Variants in ERC2 observed in about 807,000 individuals in gnomAD.
ERC2 encodes the protein ERC protein 2.
Under a neutral mutation model 114.8 loss-of-function variants are expected in ERC2, and 42 were observed. The ratio of observed to expected loss-of-function variants is 0.37; its 90% CI spans 0.29 to 0.47. ERC2 has a LOEUF of 0.47. Among genes scored for constraint, ERC2 ranks in the 20% least tolerant of loss-of-function variants. ERC2 has a pLI of 0.99. For missense variants in ERC2, 939 were observed against 1,150.7 expected (o/e 0.82, Z 2.66); for synonymous variants, 454 against 425.5 (o/e 1.07, Z -0.82).
intron 17 of ERC2, among the ~76,000 whole-genome samples, chr3:55,545,920 C>T (rs971479185): frequency 6.6e-6 from 1 of 152,154 alleles, no homozygotes; most frequent in Non-Finnish European, 1.5e-5. Flanking sequence ...TCTTGGGTCC[C>T]GTTACCCTGT....
At chr3:56,402,658 C>T (rs752093326) in intron 2 of ERC2, among the ~76,000 whole-genome samples, 2 of 152,128 alleles carry the variant, frequency 1.3e-5, no homozygotes, top group Admixed American at 6.5e-5. Context: ...GCTGAAACTT[C>T]GGCAATATGA....
At chr3:55,782,295 C>T (rs908068924) in intron 14 of ERC2, among the ~76,000 whole-genome samples, 54 of 152,140 alleles carry the variant, frequency 3.5e-4, no homozygotes, top group African/African-American at 1.3e-3. Flanking sequence ...TTGCTAAGTC[C>T]CATTAGCTTT....
At chr3:56,428,202 G>C (rs1319933007) in intron 2 of ERC2, among the ~76,000 whole-genome samples, 2 of 152,062 alleles carry the variant, frequency 1.3e-5, no homozygotes, top group South Asian at 4.1e-4. Context: ...TATTTTAATA[G>C]AACATAGTTG....
chr3:56,279,543 G>A (rs1038686923), intron 3 of ERC2, among the ~76,000 whole-genome samples: 28 of 151,284 alleles, frequency 1.9e-4, no homozygotes, highest in African/African-American at 6.3e-4. Context: ...GAAGCTGGCT[G>A]TTCAGCAAAG....
At chr3:56,146,459 A>G (rs2081140308) in intron 5 of ERC2, among the ~76,000 whole-genome samples, 1 of 152,210 alleles carries the variant, frequency 6.6e-6, no homozygotes, top group Non-Finnish European at 1.5e-5. Context: ...TTAACAATAA[A>G]AGAGGTGTCT....
intron 3 of ERC2, among the ~76,000 whole-genome samples, chr3:56,205,022 A>G (rs944249547): frequency 6.6e-6 from 1 of 151,996 alleles, no homozygotes; most frequent in Admixed American, 6.6e-5. Flanking sequence ...TCTCTTCAAA[A>G]GTACTTTCAC....
intron 9 of ERC2, among the ~76,000 whole-genome samples, chr3:56,008,857 C>T (rs1215983179): frequency 1.3e-5 from 2 of 152,174 alleles, no homozygotes; most frequent in South Asian, 2.1e-4. Context: ...TGTCTAAGAC[C>T]TTCCAGTCGG....
At chr3:56,385,911 A>G (rs1458457815) in intron 2 of ERC2, among the ~76,000 whole-genome samples, 1 of 152,180 alleles carries the variant, frequency 6.6e-6, no homozygotes, top group Non-Finnish European at 1.5e-5. Context: ...CCTGAATTGC[A>G]GAGTAGAGTA....
intron 6 of ERC2, among the ~76,000 whole-genome samples, chr3:56,133,398 C>T (rs1478444449): frequency 6.6e-6 from 1 of 152,140 alleles, no homozygotes; most frequent in African/African-American, 2.4e-5. Context: ...GATCATGCCA[C>T]TGCACTCCAG....
chr3:56,201,378 C>T (rs1452205), intron 3 of ERC2, among the ~76,000 whole-genome samples: 139,980 of 152,314 alleles, frequency 0.92, 64,718 homozygotes, highest in East Asian at 1. Flanking sequence ...TGGAGCCCTT[C>T]TGGGGTCAGT....
rs1195923699 is a variant in ERC2, at chr3:55,683,837, G to A, written c.2870C>T (p.Ala957Val). The A allele has an allele frequency of 1.7e-5, 28 of 1,612,646 alleles. No homozygotes were observed. Among genetic ancestry groups the A allele is most frequent in the Non-Finnish European group, 2.4e-5 (28 of 1,179,398 alleles). The change falls in exon 17 of 18, where the codon GCA becomes GTA. Residue 957 changes from alanine to valine, a missense_variant. Physicochemically the swap from Ala to Val is moderately conservative, Grantham distance 64 (BLOSUM62 0). Transcript: ENST00000288221. ...PDQDDEEGIW[A>V] is the part of the protein sequence containing the mutation. Reference sequence around the variant, plus strand: ...AACTTTGGTTTACAGGCCCGGCTATGCCCATATGCCCTCCTCGTCATCCTG... The same window carrying A: ...AACTTTGGTTTACAGGCCCGGCTATACCCATATGCCCTCCTCGTCATCCTG...
intron 7 of ERC2, among the ~76,000 whole-genome samples, chr3:56,050,314 C>T (rs1283776883): frequency 3.9e-5 from 6 of 152,268 alleles, no homozygotes; most frequent in African/African-American, 1.4e-4. Context: ...GCAGCTATTT[C>T]TATACAACTG....
intron 2 of ERC2, among the ~76,000 whole-genome samples, chr3:56,317,094 C>T (rs942765556): frequency 4.6e-5 from 7 of 152,120 alleles, no homozygotes; most frequent in Admixed American, 2.0e-4. Flanking sequence ...AATGAGGAGA[C>T]GCAATCACAA....
At chr3:55,606,682 G>A (rs77372262) in intron 17 of ERC2, 3,301 of 152,338 alleles carry the variant, frequency 0.022, 44 homozygotes, top group Middle Eastern at 0.078. Context: ...GTACATGTGA[G>A]CCCCCAAATC....
At chr3:55,828,591 G>C (rs571748821) in intron 14 of ERC2, among the ~76,000 whole-genome samples, 1 of 152,224 alleles carries the variant, frequency 6.6e-6, no homozygotes, top group South Asian at 2.1e-4. Context: ...GTGAATCCTG[G>C]AGGGAAAAGA....
At chr3:56,217,169 G>C (rs1360078464) in intron 3 of ERC2, among the ~76,000 whole-genome samples, 1 of 152,156 alleles carries the variant, frequency 6.6e-6, no homozygotes, top group Admixed American at 6.5e-5. Flanking sequence ...GAAATAAAGG[G>C]TATTCAATTA....
chr3:56,140,985 C>T lies in ERC2; in HGVS notation c.1306-1309G>A, dbSNP rs1321870579. On this transcript the variant is annotated intron_variant, in intron 5 of 17. Transcript: ENST00000288221. ...GTTGCAGTGAGCCGAGATCACGCCA[C>T]TGCCCTCCAGCCTGGGTGACAGAGG... 3.3e-5 allele frequency among the ~76,000 whole-genome samples: 5 copies of T among 152,302 alleles called. No individual in the cohort carries two copies. In the South Asian group the frequency reaches 8.3e-4, roughly 25 times the overall value.
intron 14 of ERC2, among the ~76,000 whole-genome samples, chr3:55,753,690 A>AC (rs2066870503): frequency 6.6e-6 from 1 of 152,214 alleles, no homozygotes. Context: ...CGAACGGAAA[A>AC]CGACTATCTG....
At chr3:55,870,250 T>C (rs1288305935) in intron 14 of ERC2, among the ~76,000 whole-genome samples, 3 of 152,050 alleles carry the variant, frequency 2.0e-5, no homozygotes, top group Non-Finnish European at 4.4e-5. Flanking sequence ...AATTTTTAGA[T>C]TTTTAGTAGA....
Sources: allele counts gnomAD v4.1 joint callset (sites outside exome capture counted in the v4.1 genomes callset), GRCh38; gene constraint gnomAD v4.1.1; transcripts MANE v1.5; gene names NCBI Gene and HGNC (gene_info 2026-07-23, HGNC 2026-07-21).